IGSF11: variants seen among roughly 807,000 people sequenced by gnomAD.
IGSF11 encodes immunoglobulin superfamily member 11.
A neutral mutation model predicts 41.0 loss-of-function variants in IGSF11; 22 were observed. The ratio of observed to expected loss-of-function variants is 0.54; its 90% confidence interval spans 0.38 to 0.77. The LOEUF (loss-of-function observed/expected upper bound fraction) is 0.77, where lower values mean the gene tolerates loss of function less well. Ranked by LOEUF, IGSF11 falls within the 30% of genes least tolerant of loss-of-function variation. The pLI, the probability that IGSF11 is intolerant of heterozygous loss-of-function variation, is 0.00. For missense variants in IGSF11, 444 were observed against 530.8 expected (o/e 0.84, Z 1.61); for synonymous variants, 219 against 201.3 (o/e 1.09, Z -0.74).
At chr3:119,004,404 A>G (rs1001073953) in intron 1 of IGSF11, among the ~76,000 whole-genome samples, 1 of 151,570 alleles carries the variant, frequency 6.6e-6, no homozygotes, top group Non-Finnish European at 1.5e-5. Context: ...TGATCCTTTC[A>G]AAAAACCAGC....
intron 1 of IGSF11, among the ~76,000 whole-genome samples, chr3:119,002,754 C>G (rs1178120325): frequency 6.0e-4 from 63 of 105,182 alleles, no homozygotes; most frequent in South Asian, 2.6e-3. Context: ...GCTTGTTTTT[C>G]TCAGGTTTGT....
chr3:119,104,426 C>T (rs2076988214), intron 1 of IGSF11, among the ~76,000 whole-genome samples: 1 of 152,152 alleles, frequency 6.6e-6, no homozygotes, highest in Non-Finnish European at 1.5e-5. Flanking sequence ...TAGGCTTCTC[C>T]TGACACTGAT....
intron 1 of IGSF11, among the ~76,000 whole-genome samples, chr3:119,046,121 G>T (rs1016615604): frequency 6.6e-6 from 1 of 151,208 alleles, no homozygotes; most frequent in Non-Finnish European, 1.5e-5. Context: ...CTCCTCACCA[G>T]CAACGGAACA....
Position 119,064,576 on chromosome 3 carries a change from ATC to A in IGSF11, c.49+40566_49+40567del, listed in dbSNP as rs1942163915. Among the ~76,000 whole-genome samples, 6 of 148,954 alleles carry A rather than the reference ATC, an allele frequency of 4.0e-5. No homozygotes were observed. The South Asian group carries it at 1.3e-3, about 32-fold the overall frequency. On this transcript the variant is annotated intron_variant, in intron 1 of 6. Coordinates refer to the IGSF11 transcript ENST00000354673. Reference sequence around the variant, plus strand: ...TCATCACCTCAATTTACACAATAAAATCTCTGGGATTTTGACTGGGGTTGTAC... The same window carrying A: ...TCATCACCTCAATTTACACAATAAAATCTGGGATTTTGACTGGGGTTGTAC...
At chr3:119,024,553 A>G (rs945250442) in intron 1 of IGSF11, among the ~76,000 whole-genome samples, 30 of 152,204 alleles carry the variant, frequency 2.0e-4, no homozygotes, top group African/African-American at 7.2e-4. Context: ...AAAAAAGAAC[A>G]GCTAGGCAAC....
chr3:119,048,867 C>T (rs558235400), intron 1 of IGSF11, among the ~76,000 whole-genome samples: 2 of 152,244 alleles, frequency 1.3e-5, no homozygotes, highest in Admixed American at 1.3e-4. Context: ...AAATGTAATC[C>T]AGCATATAAA....
intron 1 of IGSF11, among the ~76,000 whole-genome samples, chr3:118,974,549 A>G (rs1249489786): frequency 2.6e-5 from 4 of 152,214 alleles, no homozygotes; most frequent in Non-Finnish European, 5.9e-5. Context: ...ACTGCAATCT[A>G]TCCTAAGAAT....
chr3:119,131,500 A>G (rs2077480884), intron 1 of IGSF11, among the ~76,000 whole-genome samples: 2 of 152,186 alleles, frequency 1.3e-5, no homozygotes, highest in Admixed American at 1.3e-4. Context: ...AAGATTAGAG[A>G]AAACAGAGTA....
chr3:119,066,600 G>A (rs1316684435), intron 1 of IGSF11, among the ~76,000 whole-genome samples: 1 of 152,178 alleles, frequency 6.6e-6, no homozygotes, highest in African/African-American at 2.4e-5. Flanking sequence ...TAAATCATTG[G>A]TAGCTTGAAA....
rs1454359391 is a variant in IGSF11 at position 118,901,529 on chromosome 3, C to T, written c.*991G>A. The T allele has an allele frequency of 6.6e-6, 1 of 151,992 alleles. No individual in the cohort carries two copies. Among genetic ancestry groups the T allele is most frequent in the Non-Finnish European group, 1.5e-5 (1 of 67,992 alleles). 9.4% of individuals were successfully genotyped at this position (151,992 alleles called of 1,614,324 possible). Reference sequence around the variant, plus strand: ...CAGTACAAAAGGCATCAGGTGCTGCCCTCATTAATAGTAACCTACTGTAAT... The same window carrying T: ...CAGTACAAAAGGCATCAGGTGCTGCTCTCATTAATAGTAACCTACTGTAAT... On this transcript the variant is annotated 3_prime_UTR_variant, in exon 7 of 7. Transcript: ENST00000393775.
At chr3:119,084,422 C>T (rs1019462094) in intron 1 of IGSF11, among the ~76,000 whole-genome samples, 6 of 152,242 alleles carry the variant, frequency 3.9e-5, no homozygotes, top group East Asian at 3.9e-4. Context: ...GGAGACCCCA[C>T]ATCCCCCATA....
intron 1 of IGSF11, among the ~76,000 whole-genome samples, chr3:119,003,725 T>C (rs1429812339): frequency 3.3e-5 from 5 of 151,970 alleles, no homozygotes; most frequent in African/African-American, 4.8e-5. Flanking sequence ...GATAATCATG[T>C]GGTTTTTGTC....
chr3:119,066,608 A>G (rs1942241130), intron 1 of IGSF11, among the ~76,000 whole-genome samples: 1 of 152,236 alleles, frequency 6.6e-6, no homozygotes. Flanking sequence ...TGGTAGCTTG[A>G]AATCATCCAT....
intron 1 of IGSF11, among the ~76,000 whole-genome samples, chr3:118,999,767 C>T (rs917530703): frequency 2.6e-5 from 4 of 152,116 alleles, no homozygotes; most frequent in Admixed American, 6.6e-5. Flanking sequence ...ATCTTATTCA[C>T]GTTATCTTTT....
intron 1 of IGSF11, among the ~76,000 whole-genome samples, chr3:119,041,659 TG>T (rs1941122457): frequency 6.6e-6 from 1 of 151,930 alleles, no homozygotes; most frequent in Non-Finnish European, 1.5e-5. Context: ...AGAAGAAAAA[TG>T]TGAATAATTT....
At chr3:119,103,164 A>AT (rs542791459) in intron 1 of IGSF11, among the ~76,000 whole-genome samples, 417 of 151,960 alleles carry the variant, frequency 2.7e-3, no homozygotes, top group African/African-American at 9.4e-3. Flanking sequence ...TGACTGGCTA[A>AT]TTTTTTGTAT....
At chr3:118,973,266 A>T (rs973403685) in intron 1 of IGSF11, among the ~76,000 whole-genome samples, 10 of 152,198 alleles carry the variant, frequency 6.6e-5, no homozygotes, top group African/African-American at 1.9e-4. Flanking sequence ...AACAGAATGG[A>T]GCATGGACAT....
intron 1 of IGSF11, among the ~76,000 whole-genome samples, chr3:119,125,340 T>C (rs1237255656): frequency 2.0e-5 from 3 of 152,078 alleles, no homozygotes; most frequent in Non-Finnish European, 4.4e-5. Flanking sequence ...GTTTATTCAC[T>C]TGGGTGCAAG....
At chr3:118,923,525 G>C (rs1942023394) in intron 4 of IGSF11, among the ~76,000 whole-genome samples, 1 of 152,038 alleles carries the variant, frequency 6.6e-6, no homozygotes, top group African/African-American at 2.4e-5. Flanking sequence ...GTCCTTTATA[G>C]CTATTTCTTT....
Sources: gnomAD v4.1 joint callset for allele counts (sites outside exome capture counted in the v4.1 genomes callset) on GRCh38, gnomAD v4.1.1 for gene constraint, MANE v1.5 for transcripts, NCBI Gene and HGNC (gene_info 2026-07-23, HGNC 2026-07-21) for gene names.